SALL4: variants seen among roughly 807,000 people sequenced by gnomAD.
SALL4 encodes spalt like transcription factor 4.
SALL4 carries 4 observed loss-of-function variants against 60.8 expected under a neutral mutation model. The ratio of observed to expected loss-of-function variants is 0.07; its 90% CI spans 0.03 to 0.15. SALL4 has a LOEUF of 0.15. Among genes scored for constraint, SALL4 ranks in the 10% least tolerant of loss-of-function variants. The probability of loss-of-function intolerance (pLI) is 1.00; values close to 1 mark genes in which losing one functional copy is unlikely to be tolerated. For synonymous variants in SALL4, 580 were observed against 574.9 expected (o/e 1.01, Z -0.13); for missense variants, 1,178 against 1,394.7 (o/e 0.84, Z 2.48).
At chr20:51,795,375 C>A (rs190291519) in intron 1 of SALL4, among the ~76,000 whole-genome samples, 4 of 152,076 alleles carry the variant, frequency 2.6e-5, no homozygotes, top group Admixed American at 6.6e-5. Context: ...CCACTGCACT[C>A]CAGCCTGGGC....
In SALL4 at chr20:51,784,635, C is replaced by T. The variant is rs1387367047; in HGVS notation, c.2792G>A (p.Arg931Lys). 6.2e-7 allele frequency: 1 copy of T among 1,614,198 alleles called. No homozygotes were observed. Among genetic ancestry groups the T allele is most frequent in the Non-Finnish European group, 8.5e-7 (1 of 1,180,042 alleles). The change falls in exon 4 of 4, where the codon AGG (arginine) becomes AAG (lysine). Residue 931 changes from arginine to lysine, a missense_variant. Around this residue, in one of 5 missense-constraint regions of SALL4, gnomAD observed 174 missense variants for 169.6 expected, o/e 1.03. Transcript: ENST00000217086. ...GANNNSARRG[R>K]KLAIENTMAL... is the part of the protein sequence containing the mutation. The stretch of plus-strand genomic sequence containing the variant: ...CATGGTGTTCTCGATGGCCAACTTC[C>T]TTCCACGGCGGGCTGAGTTATTGTT...
In SALL4 at chr20:51,791,277, G is replaced by A; in HGVS notation, c.1206C>T (p.Arg402=). 1 of 1,614,128 alleles carries A rather than the reference G, an allele frequency of 6.2e-7. No homozygotes were observed. The highest frequency in any genetic ancestry group is 8.5e-7 in the Non-Finnish European group (1 of 1,180,046). ...GTDSSLQIHL[R]SHTGERPFVC... ...CGAAGGGTCTCTCTCCAGTGTGGGAGCGGAGGTGGATCTGCAAGGAGCTAT... is the reference window on the plus strand; with the variant it reads ...CGAAGGGTCTCTCTCCAGTGTGGGAACGGAGGTGGATCTGCAAGGAGCTAT... The change falls in exon 2 of 4, where the codon CGC becomes CGT. Residue 402 remains arginine, a synonymous_variant. Transcript: ENST00000217086. The surrounding 1 kb of genome is among the most constrained non-coding windows in gnomAD (Gnocchi z 4.6).
Position 51,792,025 on chromosome 20 carries a change from A to G in SALL4, c.458T>C (p.Val153Ala). ...MKEKPDAESV[V>A]YLKTETALPP... ...CAGGGCTGTCTCTGTCTTTAGGTAC[A>G]CCACAGACTCCGCATCCGGCTTCTC... Residue 153 changes from valine to alanine, a missense_variant, in exon 2 of 4, where the codon GTG becomes GCG. Val to Ala is a moderately conservative substitution (Grantham distance 64). Transcript: ENST00000217086. The G allele has an allele frequency of 1.2e-6, 2 of 1,613,964 alleles. No individual in the cohort carries two copies. Among genetic ancestry groups the G allele is most frequent in the African/African-American group, 1.3e-5 (1 of 74,986 alleles).
At chr20:51,787,473 T>C (rs1383982215) in intron 3 of SALL4, among the ~76,000 whole-genome samples, 2 of 152,124 alleles carry the variant, frequency 1.3e-5, no homozygotes, top group East Asian at 3.9e-4. Context: ...TCTCTAATAA[T>C]TGCTACAGAG....
intron 1 of SALL4, among the ~76,000 whole-genome samples, chr20:51,799,218 T>C (rs764221096): frequency 6.6e-6 from 1 of 152,162 alleles, no homozygotes; most frequent in Non-Finnish European, 1.5e-5. Flanking sequence ...CCTTCTATAG[T>C]TGAAATTATC....
chr20:51,783,112 G>C lies in SALL4; in HGVS notation c.*1153C>G, dbSNP rs1601160431. ...TGTGATGGGAAACACGCCCTTCCACGAGTTTCTTCTCGAGCATGAAAACCC... is the reference window on the plus strand; with the variant it reads ...TGTGATGGGAAACACGCCCTTCCACCAGTTTCTTCTCGAGCATGAAAACCC... On this transcript the variant is annotated 3_prime_UTR_variant, in exon 4 of 4. Coordinates refer to ENST00000217086, the MANE Select transcript of SALL4 (RefSeq NM_020436.5). 6.6e-6 allele frequency: 1 copy of C among 152,080 alleles called. No homozygotes were observed. Among genetic ancestry groups the C allele is most frequent in the Non-Finnish European group, 1.5e-5 (1 of 68,022 alleles). The allele number at this position is 152,080 out of a possible 1,614,324, so 9.4% of individuals were successfully genotyped here.
intron 1 of SALL4, 129 bp from the exon 2 acceptor site, chr20:51,792,481 G>A: frequency 8.5e-7 from 1 of 1,172,412 alleles, no homozygotes; most frequent in Non-Finnish European, 1.2e-6. Context: ...CTGAGGTTGG[G>A]AATTCAAGAC....
chr20:51,796,236 G>GA (rs11480674), intron 1 of SALL4, among the ~76,000 whole-genome samples: 11,475 of 132,664 alleles, frequency 0.086, 684 homozygotes, highest in African/African-American at 0.17. Context: ...GAAAAGAAAA[G>GA]AAAAAAAAAA....
chr20:51,796,494 T>C (rs1180142618), intron 1 of SALL4, among the ~76,000 whole-genome samples: 2 of 152,226 alleles, frequency 1.3e-5, no homozygotes, highest in Non-Finnish European at 2.9e-5. Context: ...TTACTGTCCG[T>C]GTCTTTTATG....
Position 51,791,988 on chromosome 20 carries a change from G to A in SALL4, c.495C>T (p.Pro165=). The A allele has an allele frequency of 6.2e-7, 1 of 1,614,160 alleles. No individual in the cohort carries two copies. Among genetic ancestry groups the A allele is most frequent in the Non-Finnish European group, 8.5e-7 (1 of 1,180,012 alleles). Residue 165 remains proline, a synonymous_variant, in exon 2 of 4, where the codon CCC becomes CCT. Coordinates refer to ENST00000217086, the MANE Select transcript of SALL4 (RefSeq NM_020436.5). This position sits in a 1 kb window ranked among gnomAD's most constrained non-coding sequence, Gnocchi z 4.6. ...CTTTGGCTAAATAGCTTATGTCCTGGGGGGTGGGTGGCAGGGCTGTCTCTG... is the reference window on the plus strand; with the variant it reads ...CTTTGGCTAAATAGCTTATGTCCTGAGGGGTGGGTGGCAGGGCTGTCTCTG... ...LKTETALPPT[P]QDISYLAKGK...
chr20:51,784,652 G>A lies in SALL4; in HGVS notation c.2775C>T (p.Asn925=), dbSNP rs758740556. ...VHYMTHGANN[N]SARRGRKLAI... is the part of the protein sequence containing the mutation. ...CCAACTTCCTTCCACGGCGGGCTGA[G>A]TTATTGTTCGCCCCGTGTGTCATGT... The change falls in exon 4 of 4, where the codon AAC becomes AAT. Residue 925 remains asparagine (N), a synonymous_variant. Transcript: ENST00000217086. 3.7e-6 allele frequency: 6 copies of A among 1,614,198 alleles called. No individual in the cohort carries two copies. The highest frequency in any genetic ancestry group is 4.2e-6 in the Non-Finnish European group (5 of 1,180,038).
At chr20:51,789,875 C>A in intron 2 of SALL4, 147 bp downstream of exon 2, 1 of 905,834 alleles carries the variant, frequency 1.1e-6, no homozygotes, top group Non-Finnish European at 1.7e-6. Context: ...GTTACTATTG[C>A]CCTCTACCCA....
Position 51,783,819 on chromosome 20 carries a change from G to C in SALL4, c.*446C>G, listed in dbSNP as rs1392056584. On this transcript the variant is annotated 3_prime_UTR_variant, in exon 4 of 4. Coordinates refer to ENST00000217086, the MANE Select transcript of SALL4 (RefSeq NM_020436.5). The stretch of plus-strand genomic sequence containing the variant: ...GGGTGGATCACGAGGTCAGCAGTTC[G>C]AGACCAGCCTGACCAACATGGTGAA... 5 of 183,768 alleles carry C rather than the reference G, an allele frequency of 2.7e-5. No homozygotes were observed. Among genetic ancestry groups the C allele is most frequent in the Non-Finnish European group, 5.8e-5 (5 of 86,876 alleles). The allele number at this position is 183,768 out of a possible 1,614,324, so 11.4% of individuals were successfully genotyped here.
In SALL4 at chr20:51,788,237, C is replaced by G. The variant is rs2078006146; in HGVS notation, c.2742+624G>C. Among the ~76,000 whole-genome samples the G allele has an allele frequency of 6.6e-6, 1 of 151,986 alleles. No homozygotes were observed. Among genetic ancestry groups the G allele is most frequent in the African/African-American group, 2.4e-5 (1 of 41,376 alleles). ...GTGGCATGATCACAGATCACTGCAG[C>G]CTTGATCTCTCAGGCTCAAGTGGTC... On this transcript the variant is annotated intron_variant, in intron 3 of 3. Coordinates refer to ENST00000217086, the MANE Select transcript of SALL4 (RefSeq NM_020436.5). This position sits in a 1 kb window ranked among gnomAD's most constrained non-coding sequence, Gnocchi z 4.1.
At chr20:51,785,040 C>A (rs1010251771) in intron 3 of SALL4, among the ~76,000 whole-genome samples, 3 of 152,072 alleles carry the variant, frequency 2.0e-5, no homozygotes, top group African/African-American at 7.2e-5. Context: ...CGGTGGCTCA[C>A]GCCTGTAATC....
Position 51,801,044 on chromosome 20 carries a change from C to T in SALL4, c.130+1235G>A, listed in dbSNP as rs1306722144. Reference sequence around the variant, plus strand: ...AGTCCTCCGGGGTTGCCGCGCACACCCGTCTGCTGCAGGGAAATTAGAAAG... The same window carrying T: ...AGTCCTCCGGGGTTGCCGCGCACACTCGTCTGCTGCAGGGAAATTAGAAAG... On this transcript the variant is annotated intron_variant, in intron 1 of 3. Transcript: ENST00000217086. This position sits in a 1 kb window ranked among gnomAD's most constrained non-coding sequence, Gnocchi z 5.2. 6.6e-6 allele frequency among the ~76,000 whole-genome samples: 1 copy of T among 151,996 alleles called. No individual in the cohort carries two copies. Among genetic ancestry groups the T allele is most frequent in the Non-Finnish European group, 1.5e-5 (1 of 67,994 alleles).
In SALL4 at chr20:51,792,164, C is replaced by T. The variant is rs1190763299; in HGVS notation, c.319G>A (p.Glu107Lys). ...NPPVLIMNDS[E>K]GPVPSEDFSG... ...AAGTCTTCTGAAGGCACAGGCCCCT[C>T]GCTGTCATTCATGATGAGGACAGGT... is the stretch of plus-strand genomic sequence containing the variant. Residue 107 changes from glutamate to lysine, a missense_variant, in exon 2 of 4, where the codon GAG becomes AAG. Transcript: ENST00000217086. 5.6e-6 allele frequency: 9 copies of T among 1,614,024 alleles called. No homozygotes were observed. The highest frequency in any genetic ancestry group is 2.7e-5 in the African/African-American group (2 of 74,918).
chr20:51,795,414 C>A (rs909089180), intron 1 of SALL4, among the ~76,000 whole-genome samples: 2 of 151,552 alleles, frequency 1.3e-5, no homozygotes, highest in Admixed American at 6.6e-5. Context: ...GTCAAAAAAA[C>A]AAAAACAAAA....
rs2078014291 is a variant in SALL4, at chr20:51,789,061, G to A, written c.2542C>T (p.Pro848Ser). The change falls in exon 3 of 4, where the codon CCC (proline) becomes TCC (serine). Residue 848 changes from proline (P) to serine (S), a missense_variant. Transcript: ENST00000217086. The stretch of plus-strand genomic sequence containing the variant: ...GTCATCCCTGGGGACAATGTCGAGG[G>A]TCCCACAAATGTGCCAGGAACTTCA... The part of the protein sequence containing the change: ...KVEVPGTFVG[P>S]STLSPGMTPL... The A allele has an allele frequency of 6.2e-7, 1 of 1,614,190 alleles. No individual in the cohort carries two copies. Among genetic ancestry groups the A allele is most frequent in the East Asian group, 2.2e-5 (1 of 44,874 alleles).
Sources: gnomAD v4.1 joint callset for allele counts (sites outside exome capture counted in the v4.1 genomes callset) on GRCh38, gnomAD v4.1.1 for gene constraint, gnomAD v4.1.1 regional missense constraint, Gnocchi (gnomAD v3.1) non-coding constraint, MANE v1.5 for transcripts, NCBI Gene and HGNC (gene_info 2026-07-23, HGNC 2026-07-21) for gene names.